The following KLHDC1 variants were observed in gnomAD, a reference collection of about 807,000 sequenced individuals.
The protein encoded by KLHDC1 is kelch domain-containing protein 1.
In KLHDC1, 53 loss-of-function variants were observed where a neutral mutation model predicts 68.3. That is an observed-to-expected ratio of 0.78 (90% CI 0.62 to 0.98). The LOEUF is 0.98. Ranked by LOEUF, KLHDC1 falls within the 50% of genes least tolerant of loss-of-function variation. KLHDC1 has a pLI of 0.00. For synonymous variants in KLHDC1, 148 were observed against 159.0 expected, an observed-to-expected ratio of 0.93 and a Z score of 0.52; for missense variants, 470 against 492.3, an observed-to-expected ratio of 0.95 and a Z score of 0.43.
rs114760558 is a variant in KLHDC1, at chr14:49,723,741, C to T, written c.405-133C>T. 1,140 of 575,402 alleles carry T rather than the reference C, an allele frequency of 2.0e-3. 8 individuals carry two copies. Among genetic ancestry groups the T allele is most frequent in the African/African-American group, 0.02 (1,043 of 52,774 alleles). 35.6% of individuals were successfully genotyped at this position (575,402 alleles called of 1,614,324 possible). A position where few individuals can be genotyped will look rare whatever the true frequency, so the allele number is the denominator to read the frequency against. On this transcript the variant is annotated intron_variant, in intron 4 of 12. Coordinates refer to ENST00000359332, the MANE Select transcript of KLHDC1 (RefSeq NM_172193.3). ...ATTGGTTTATTTAGGTCTCTTTGTT[C>T]CCTCAGCTCTTTATTCTTTTTAAAC...
chr14:49,693,169 C>G lies in KLHDC1; in HGVS notation c.-26C>G, dbSNP rs191010066. 6.4e-7 allele frequency: 1 copy of G among 1,568,118 alleles called. No homozygotes were observed. The highest frequency in any genetic ancestry group is 8.6e-7 in the Non-Finnish European group (1 of 1,158,688). On this transcript the variant is annotated 5_prime_UTR_variant, in exon 1 of 13. Transcript: ENST00000359332. ...CGGGCGGGCAGGGGTTGTGGCGCGG[C>G]AAGCGGCGGGCCAGCGACGGCGCGA...
intron 5 of KLHDC1, among the ~76,000 whole-genome samples, 171 bp downstream of exon 5, chr14:49,724,123 A>G (rs1888607699): frequency 6.6e-6 from 1 of 152,226 alleles, no homozygotes; most frequent in Non-Finnish European, 1.5e-5. Context: ...GGCAAAAGGT[A>G]TCTCTCTAGT....
intron 12 of KLHDC1, among the ~76,000 whole-genome samples, chr14:49,749,407 C>T (rs1351794606): frequency 6.6e-6 from 1 of 151,988 alleles, no homozygotes; most frequent in Non-Finnish European, 1.5e-5. Flanking sequence ...ATGGCTCAAA[C>T]CTGTAATCCC....
intron 7 of KLHDC1, 35 bp downstream of exon 7, chr14:49,729,044 G>A (rs778139653): frequency 1.5e-6 from 2 of 1,346,668 alleles, no homozygotes. Context: ...ATTTTTATGT[G>A]CAATGCTCCT....
intron 1 of KLHDC1, among the ~76,000 whole-genome samples, chr14:49,695,277 C>A (rs974944263): frequency 6.6e-6 from 1 of 151,968 alleles, no homozygotes; most frequent in African/African-American, 2.4e-5. Context: ...TTTTTACAGG[C>A]GTGAGCCACC....
chr14:49,732,433 A>C (rs1249707992), intron 8 of KLHDC1, among the ~76,000 whole-genome samples: 1 of 152,188 alleles, frequency 6.6e-6, no homozygotes, highest in Non-Finnish European at 1.5e-5. Flanking sequence ...TTGACCTCCC[A>C]AAGTGTTGGA....
At chr14:49,693,443 C>T (rs1887629811) in intron 1 of KLHDC1, among the ~76,000 whole-genome samples, 153 bp downstream of exon 1, 1 of 151,848 alleles carries the variant, frequency 6.6e-6, no homozygotes, top group Non-Finnish European at 1.5e-5. Context: ...GCCGCCGCCC[C>T]CACAGCCGCG....
At chr14:49,718,775 T>C (rs965117417) in intron 4 of KLHDC1, among the ~76,000 whole-genome samples, 5 of 130,484 alleles carry the variant, frequency 3.8e-5, no homozygotes, top group African/African-American at 1.5e-4. Context: ...CTTTCTTTTT[T>C]TTTTTTTTTT....
chr14:49,719,172 G>A (rs933623358), intron 4 of KLHDC1, among the ~76,000 whole-genome samples: 2 of 151,788 alleles, frequency 1.3e-5, no homozygotes, highest in South Asian at 4.1e-4. Flanking sequence ...AGTTTAGTTT[G>A]TTCTTGTCTA....
At chr14:49,742,426 T>A (rs146036979) in intron 11 of KLHDC1, among the ~76,000 whole-genome samples, 181 of 151,180 alleles carry the variant, frequency 1.2e-3, no homozygotes, top group African/African-American at 3.8e-3. Context: ...TCCCAGCACT[T>A]TGGGAAGCTG....
At chr14:49,728,632 T>G (rs1209275188) in intron 6 of KLHDC1, among the ~76,000 whole-genome samples, 2 of 152,182 alleles carry the variant, frequency 1.3e-5, no homozygotes, top group African/African-American at 2.4e-5. Context: ...TTTAAAATCT[T>G]TATACAGTAT....
intron 4 of KLHDC1, among the ~76,000 whole-genome samples, chr14:49,722,304 C>T (rs1888548658): frequency 6.6e-6 from 1 of 152,106 alleles, no homozygotes; most frequent in African/African-American, 2.4e-5. Context: ...TGTGATATTC[C>T]CCTTCCTGTG....
At chr14:49,730,229 T>G (rs948173806) in intron 8 of KLHDC1, among the ~76,000 whole-genome samples, 2 of 149,738 alleles carry the variant, frequency 1.3e-5, no homozygotes, top group African/African-American at 4.9e-5. Flanking sequence ...CAGGTTTTTT[T>G]TTTTTTTTTT....
At chr14:49,716,895 G>A (rs1437583107) in intron 4 of KLHDC1, among the ~76,000 whole-genome samples, 1 of 151,948 alleles carries the variant, frequency 6.6e-6, no homozygotes, top group Non-Finnish European at 1.5e-5. Flanking sequence ...TCCAACCCCT[G>A]GTGACCTCTA....
intron 8 of KLHDC1, among the ~76,000 whole-genome samples, chr14:49,732,419 C>T (rs1032488443): frequency 4.6e-5 from 7 of 152,130 alleles, no homozygotes; most frequent in African/African-American, 1.2e-4. Flanking sequence ...GCAATCCACC[C>T]GCCTTGACCT....
intron 1 of KLHDC1, among the ~76,000 whole-genome samples, chr14:49,694,198 A>G (rs570725576): frequency 9.8e-5 from 15 of 152,292 alleles, no homozygotes; most frequent in African/African-American, 2.9e-4. Context: ...GTTTGAGCGT[A>G]TGTGTGTGTT....
chr14:49,713,156 G>A (rs1002113471), intron 4 of KLHDC1, among the ~76,000 whole-genome samples: 109 of 149,612 alleles, frequency 7.3e-4, no homozygotes, highest in African/African-American at 2.4e-3. Flanking sequence ...GGGTTTCACC[G>A]TGTTAGCCAG....
At chr14:49,735,608 A>AT (rs774841089) in intron 10 of KLHDC1, among the ~76,000 whole-genome samples, 2,481 of 148,154 alleles carry the variant, frequency 0.017, 33 homozygotes, top group Non-Finnish European at 0.022. Flanking sequence ...CTCTTTTGAA[A>AT]TTTTTTTTTT....
At chr14:49,696,844 A>T (rs906902623) in intron 1 of KLHDC1, among the ~76,000 whole-genome samples, 7 of 10,560 alleles carry the variant, frequency 6.6e-4, no homozygotes, top group Non-Finnish European at 4.0e-3. Context: ...CACTAAGCTT[A>T]ATTTCTAGCT....
Sources: allele counts gnomAD v4.1 joint callset (sites outside exome capture counted in the v4.1 genomes callset), GRCh38; gene constraint gnomAD v4.1.1; transcripts MANE v1.5; gene names NCBI Gene and HGNC (gene_info 2026-07-23, HGNC 2026-07-21).